The following RAB38 variants were observed in gnomAD, a reference collection of about 807,000 sequenced individuals.
The protein encoded by RAB38 is RAB38, member RAS oncogene family.
Under a neutral mutation model 18.4 loss-of-function variants are expected in RAB38, and 15 were observed. The observed-to-expected ratio is 0.82, with a 90% CI of 0.55 to 1.26. The LOEUF is 1.26. RAB38 is among the 50% of genes most tolerant of loss of function. RAB38 has a pLI of 0.00. For missense variants in RAB38, 294 were observed against 267.4 expected, an observed-to-expected ratio of 1.10 and a Z score of -0.69; for synonymous variants, 101 against 104.4, an observed-to-expected ratio of 0.97 and a Z score of 0.20.
At chr11:88,044,974 T>C in the RAB38 span, among the ~76,000 whole-genome samples, 8 of 152,302 alleles carry the variant, frequency 5.3e-5, no homozygotes, top group African/African-American at 1.9e-4. Context: ...GCCCAGCAAT[T>C]TCCTCTTAAA....
intron 2 of RAB38, among the ~76,000 whole-genome samples, chr11:88,141,727 C>T (rs1942916346): frequency 6.6e-6 from 1 of 152,164 alleles, no homozygotes; most frequent in African/African-American, 2.4e-5. Flanking sequence ...ATCCTTCAGC[C>T]TCATTGAACC....
chr11:87,976,159 C>A, the RAB38 span, among the ~76,000 whole-genome samples: 927 of 145,964 alleles, frequency 6.4e-3, 9 homozygotes, highest in Non-Finnish European at 9.9e-3. Context: ...CATATATATA[C>A]CTTTATGTAT....
chr11:88,098,793 T>C, the RAB38 span: 2 of 152,046 alleles, frequency 1.3e-5, no homozygotes, highest in African/African-American at 4.8e-5. Flanking sequence ...TATTAGATAA[T>C]AGCGAAGGCA....
the RAB38 span, among the ~76,000 whole-genome samples, chr11:87,838,082 G>A: frequency 6.6e-6 from 1 of 151,920 alleles, no homozygotes; most frequent in African/African-American, 2.4e-5. Flanking sequence ...AATAATACAG[G>A]AAGAAAGGCT....
Position 88,149,877 on chromosome 11 carries a change from C to T in RAB38, c.281G>A (p.Arg94Lys), listed in dbSNP as rs1391128983. The change falls in exon 2 of 3, where the codon AGG becomes AAG. Residue 94 changes from arginine to lysine, a missense_variant. Arg to Lys is a conservative substitution (Grantham distance 26). Transcript: ENST00000243662. ...TGCCACTGCTTCAAATGTGGCTGGC[C>T]TGGTGACATCGAAGACAATAAATGC... ...MGAFIVFDVT[R>K]PATFEAVAKW... 5 of 1,613,886 alleles carry T rather than the reference C, an allele frequency of 3.1e-6. No homozygotes were observed. The highest frequency in any genetic ancestry group is 4.2e-6 in the Non-Finnish European group (5 of 1,179,988).
the RAB38 span, among the ~76,000 whole-genome samples, chr11:87,892,689 T>C: frequency 1.3e-5 from 2 of 151,840 alleles, no homozygotes; most frequent in Admixed American, 1.3e-4. Flanking sequence ...TTACTTTGTC[T>C]ACTGGCATGA....
At chr11:88,130,293 C>A (rs946854696) in intron 2 of RAB38, among the ~76,000 whole-genome samples, 7 of 151,992 alleles carry the variant, frequency 4.6e-5, no homozygotes, top group African/African-American at 1.5e-4. Context: ...ATAACATGTA[C>A]AAAAGACAGA....
the RAB38 span, among the ~76,000 whole-genome samples, chr11:88,038,290 A>G: frequency 6.6e-6 from 1 of 152,186 alleles, no homozygotes; most frequent in East Asian, 1.9e-4. Flanking sequence ...ATCAATAAAA[A>G]TATTAATTAC....
chr11:87,805,761 G>A, the RAB38 span, among the ~76,000 whole-genome samples: 1 of 151,704 alleles, frequency 6.6e-6, no homozygotes, highest in Non-Finnish European at 1.5e-5. Flanking sequence ...ATACATATAT[G>A]TGTGTATATA....
At chr11:87,859,171 T>G in the RAB38 span, among the ~76,000 whole-genome samples, 1 of 151,830 alleles carries the variant, frequency 6.6e-6, no homozygotes, top group Non-Finnish European at 1.5e-5. Context: ...TAAAATAAAA[T>G]TTTAAAAATA....
At chr11:87,819,144 T>A in the RAB38 span, among the ~76,000 whole-genome samples, 1 of 152,198 alleles carries the variant, frequency 6.6e-6, no homozygotes, top group Non-Finnish European at 1.5e-5. Context: ...CCACTTCAAG[T>A]GACAGCTCAG....
chr11:87,856,334 T>G, the RAB38 span, among the ~76,000 whole-genome samples: 1 of 152,172 alleles, frequency 6.6e-6, no homozygotes, highest in Non-Finnish European at 1.5e-5. Context: ...ATAGGAATCT[T>G]TTTTTAAAGA....
At chr11:88,128,447 C>T (rs1031942038) in intron 2 of RAB38, among the ~76,000 whole-genome samples, 11 of 152,116 alleles carry the variant, frequency 7.2e-5, no homozygotes, top group South Asian at 2.1e-4. Context: ...CTTGATTAGC[C>T]GTAAGTTACT....
chr11:88,095,149 A>G, the RAB38 span, among the ~76,000 whole-genome samples: 1 of 151,870 alleles, frequency 6.6e-6, no homozygotes, highest in African/African-American at 2.4e-5. Context: ...CAAACATGCT[A>G]CACATTTCCC....
the RAB38 span, among the ~76,000 whole-genome samples, chr11:88,074,108 G>A: frequency 6.6e-6 from 1 of 151,214 alleles, no homozygotes; most frequent in Non-Finnish European, 1.5e-5. Context: ...GAGATATAAA[G>A]CTTATTTTAA....
chr11:88,022,379 C>A, the RAB38 span, among the ~76,000 whole-genome samples: 4 of 151,042 alleles, frequency 2.6e-5, no homozygotes, highest in Admixed American at 2.6e-4. Context: ...TATGACAGAC[C>A]CACAGCTAGT....
At chr11:88,152,830 G>A (rs1943080004) in intron 1 of RAB38, among the ~76,000 whole-genome samples, 1 of 152,204 alleles carries the variant, frequency 6.6e-6, no homozygotes, top group South Asian at 2.1e-4. Context: ...TTATGGAATA[G>A]CTAATGTGGC....
chr11:87,884,243 T>C, the RAB38 span, among the ~76,000 whole-genome samples: 1 of 152,004 alleles, frequency 6.6e-6, no homozygotes, highest in Non-Finnish European at 1.5e-5. Flanking sequence ...TATTTGTGGT[T>C]GCTTCTGCTC....
At chr11:88,156,704 GA>G (rs55721028) in intron 1 of RAB38, among the ~76,000 whole-genome samples, 37,790 of 150,472 alleles carry the variant, frequency 0.25, 4,744 homozygotes, top group Admixed American at 0.27. Flanking sequence ...TTTGTCTCAA[GA>G]AAAAAAAAGA....
Sources: gnomAD v4.1 joint callset for allele counts (sites outside exome capture counted in the v4.1 genomes callset) on GRCh38, gnomAD v4.1.1 for gene constraint, MANE v1.5 for transcripts, NCBI Gene and HGNC (gene_info 2026-07-23, HGNC 2026-07-21) for gene names.